Variants in EML4 observed in about 807,000 individuals in gnomAD.
The protein encoded by EML4 is EMAP like 4, also known as echinoderm microtubule-associated protein-like 4.
EML4 carries 72 observed loss-of-function variants against 129.0 expected under a neutral mutation model. That is an observed-to-expected ratio of 0.56 (90% CI 0.46 to 0.68). EML4 has a LOEUF of 0.68. Ranked by LOEUF, EML4 falls within the 30% of genes least tolerant of loss-of-function variation. The pLI is 0.00. For missense variants in EML4, 1,363 were observed against 1,190.6 expected (o/e 1.14, Z -2.13); for synonymous variants, 532 against 405.0 (o/e 1.31, Z -3.77).
chr2:42,308,578 C>A (rs556473675), intron 17 of EML4, among the ~76,000 whole-genome samples: 1 of 152,048 alleles, frequency 6.6e-6, no homozygotes, highest in Non-Finnish European at 1.5e-5. Context: ...CATAACCCCC[C>A]CAAAAAAGAA....
chr2:42,221,403 C>CTTTTTTTTTTTTTTTTTT (rs74816568), intron 1 of EML4, among the ~76,000 whole-genome samples: 1 of 108,254 alleles, frequency 9.2e-6, no homozygotes, highest in Non-Finnish European at 1.9e-5. Flanking sequence ...ACATGGTTTA[C>CTTTTTTTTTTTTTTTTTT]TTTTTTTTTT....
intron 11 of EML4, among the ~76,000 whole-genome samples, chr2:42,292,869 T>C (rs1667728881): frequency 6.6e-6 from 1 of 152,222 alleles, no homozygotes; most frequent in African/African-American, 2.4e-5. Context: ...GACTGTCTTA[T>C]CACTAGCATG....
chr2:42,194,347 C>CTTTTT (rs34026132), intron 1 of EML4, among the ~76,000 whole-genome samples: 1 of 126,814 alleles, frequency 7.9e-6, no homozygotes, highest in Non-Finnish European at 1.6e-5. Flanking sequence ...CTCTCTCTCT[C>CTTTTT]TTTTTTTTTT....
At chr2:42,192,031 C>T (rs543197579) in intron 1 of EML4, among the ~76,000 whole-genome samples, 10 of 150,516 alleles carry the variant, frequency 6.6e-5, no homozygotes, top group East Asian at 3.9e-4. Flanking sequence ...TCCAGCTACT[C>T]GGGAGGCTGA....
intron 8 of EML4, among the ~76,000 whole-genome samples, chr2:42,283,899 A>G (rs1036013487): frequency 1.3e-5 from 2 of 152,214 alleles, no homozygotes; most frequent in African/African-American, 2.4e-5. Flanking sequence ...TATCCCTCTG[A>G]TGTGTTCTTA....
At chr2:42,325,888 ATTAC>A (rs1669785186) in intron 20 of EML4, among the ~76,000 whole-genome samples, 1 of 151,626 alleles carries the variant, frequency 6.6e-6, no homozygotes, top group African/African-American at 2.4e-5. Context: ...TTTTCATTTA[ATTAC>A]TTCTCCTGGA....
At chr2:42,328,811 A>G in intron 21 of EML4, 75 bp from the exon 22 acceptor site, 1 of 1,200,058 alleles carries the variant, frequency 8.3e-7, no homozygotes, top group East Asian at 2.5e-5. Context: ...ATTCTAAAAT[A>G]AAATAAACAT....
rs1670119225 is a variant in EML4, at chr2:42,169,481, A to AG, written c.-129dup. The AG allele has an allele frequency of 4.7e-6, 5 of 1,070,618 alleles. No individual in the cohort carries two copies. Among genetic ancestry groups the AG allele is most frequent in the Non-Finnish European group, 6.5e-6 (5 of 766,376 alleles). The allele number at this position is 1,070,618 out of a possible 1,614,324, so 66.3% of individuals were successfully genotyped here. A position where few individuals can be genotyped will look rare whatever the true frequency, so the allele number is the denominator to read the frequency against. On this transcript the variant is annotated 5_prime_UTR_variant, in exon 1 of 23. Transcript: ENST00000318522. ...CCCAGGGCGAACGGACGGACGACGGAGGCGGGAGCCGGTAGCCGAGCCGGG... is the reference window on the plus strand; with the variant it reads ...CCCAGGGCGAACGGACGGACGACGGAGGGCGGGAGCCGGTAGCCGAGCCGGG...
intron 1 of EML4, among the ~76,000 whole-genome samples, chr2:42,241,598 C>T (rs368831321): frequency 1.3e-5 from 2 of 152,130 alleles, no homozygotes; most frequent in African/African-American, 2.4e-5. Flanking sequence ...TTTCACACAG[C>T]GACCAAAATG....
intron 3 of EML4, among the ~76,000 whole-genome samples, chr2:42,256,901 G>A (rs1558546510): frequency 6.6e-6 from 1 of 152,164 alleles, no homozygotes; most frequent in South Asian, 2.1e-4. Flanking sequence ...TTTGTAACAA[G>A]TATTTATTGA....
chr2:42,208,457 G>A (rs541165417), intron 1 of EML4, among the ~76,000 whole-genome samples: 286 of 81,880 alleles, frequency 3.5e-3, no homozygotes, highest in African/African-American at 0.013. Context: ...TTTTTTTTTT[G>A]AGACAGAATC....
At chr2:42,302,305 G>A (rs1668326962) in intron 14 of EML4, among the ~76,000 whole-genome samples, 1 of 152,072 alleles carries the variant, frequency 6.6e-6, no homozygotes, top group South Asian at 2.1e-4. Context: ...AGGGTAGTTA[G>A]TATGTCTGTT....
At chr2:42,222,353 A>G (rs963495006) in intron 1 of EML4, among the ~76,000 whole-genome samples, 8 of 152,168 alleles carry the variant, frequency 5.3e-5, no homozygotes, top group African/African-American at 1.9e-4. Flanking sequence ...CTGTGAGCCA[A>G]AAATGGTTTT....
At chr2:42,270,981 G>T (rs10204778) in intron 6 of EML4, among the ~76,000 whole-genome samples, 19,279 of 152,096 alleles carry the variant, frequency 0.13, 1,250 homozygotes, top group East Asian at 0.18. Context: ...CTGCAGCCTT[G>T]ACCTCCCGGG....
intron 5 of EML4, among the ~76,000 whole-genome samples, chr2:42,264,176 C>T (rs913932329): frequency 7.4e-6 from 1 of 135,856 alleles, no homozygotes; most frequent in African/African-American, 2.7e-5. Flanking sequence ...GGCACCATCA[C>T]TATCATGTCT....
intron 1 of EML4, among the ~76,000 whole-genome samples, chr2:42,213,047 G>T (rs1024200695): frequency 2.6e-5 from 4 of 152,110 alleles, no homozygotes; most frequent in Non-Finnish European, 5.9e-5. Context: ...GTGTAACATA[G>T]TATCAATAAT....
At chr2:42,236,466 G>C (rs1674681419) in intron 1 of EML4, among the ~76,000 whole-genome samples, 2 of 152,176 alleles carry the variant, frequency 1.3e-5, no homozygotes, top group Admixed American at 6.5e-5. Context: ...GAGGCCACCT[G>C]TTTTATAAAT....
chr2:42,212,743 A>G (rs1458535867), intron 1 of EML4, among the ~76,000 whole-genome samples: 1 of 152,196 alleles, frequency 6.6e-6, no homozygotes, highest in Non-Finnish European at 1.5e-5. Context: ...CACATTTTCC[A>G]GTGTTTCTCC....
intron 2 of EML4, among the ~76,000 whole-genome samples, chr2:42,248,219 A>G (rs928522690): frequency 1.3e-4 from 20 of 152,200 alleles, no homozygotes; most frequent in African/African-American, 3.9e-4. Flanking sequence ...CAAGTGATCT[A>G]CCTTGGTCTC....
Sources: gnomAD v4.1 joint callset for allele counts (sites outside exome capture counted in the v4.1 genomes callset) on GRCh38, gnomAD v4.1.1 for gene constraint, MANE v1.5 for transcripts, NCBI Gene and HGNC (gene_info 2026-07-23, HGNC 2026-07-21) for gene names.